Variants in EPHB6 observed in about 807,000 individuals in gnomAD.
EPHB6 encodes ephrin type-B receptor 6.
Under a neutral mutation model 107.0 loss-of-function variants are expected in EPHB6, and 51 were observed. The ratio of observed to expected loss-of-function variants is 0.48; its 90% CI spans 0.38 to 0.60. The LOEUF (loss-of-function observed/expected upper bound fraction) is 0.60, where lower values mean the gene tolerates loss of function less well. EPHB6 is among the 20% of genes least tolerant of loss of function. The pLI is 0.00. For missense variants in EPHB6, 1,141 were observed against 1,355.5 expected (o/e 0.84, Z 2.48); for synonymous variants, 553 against 549.0 (o/e 1.01, Z -0.10).
In EPHB6 at chr7:142,864,408, G is replaced by A; in HGVS notation, c.608G>A (p.Gly203Glu). The change falls in exon 7 of 20, where the codon GGG becomes GAG. Residue 203 changes from glycine (G) to glutamate (E), a missense_variant. Gly to Glu is a moderately conservative substitution (Grantham distance 98). Around this residue, in one of 3 missense-constraint regions of EPHB6, gnomAD observed 221 missense variants for 300.5 expected, o/e 0.74. Transcript: ENST00000652003. ...LQLNVKERSF[G>E]PLTQRGFYVA... ...CTGAACGTCAAAGAGCGGAGCTTTG[G>A]GCCTCTCACCCAACGCGGCTTCTAC... The A allele has an allele frequency of 6.2e-7, 1 of 1,612,602 alleles. No homozygotes were observed. The highest frequency in any genetic ancestry group is 8.5e-7 in the Non-Finnish European group (1 of 1,179,466).
intron 18 of EPHB6, 58 bp downstream of exon 18, chr7:142,870,465 G>C: frequency 2.5e-6 from 4 of 1,613,874 alleles, no homozygotes; most frequent in Non-Finnish European, 2.5e-6. Flanking sequence ...CAAACCTAAA[G>C]AAAACTGAGG....
chr7:142,855,576 T>C lies in EPHB6; in HGVS notation c.-432+191T>C, dbSNP rs1384969437. On this transcript the variant is annotated intron_variant, in intron 1 of 19. Coordinates refer to ENST00000652003, the MANE Select transcript of EPHB6 (RefSeq NM_004445.6). This position sits in a 1 kb window ranked among gnomAD's most constrained non-coding sequence, Gnocchi z 4.2. Reference sequence around the variant, plus strand: ...GTGAGGAAACGGTCAACCTGGCTACTCCCCTCTCACTCCACTCTGACCTGG... The same window carrying C: ...GTGAGGAAACGGTCAACCTGGCTACCCCCCTCTCACTCCACTCTGACCTGG... Among the ~76,000 whole-genome samples the C allele has an allele frequency of 6.6e-6, 1 of 152,052 alleles. No homozygotes were observed. Among genetic ancestry groups the C allele is most frequent in the Non-Finnish European group, 1.5e-5 (1 of 67,984 alleles).
At position 142,870,955 on chromosome 7, in the gene EPHB6, TGTGGGAC is replaced by T. The variant is rs1487392192; in HGVS notation, c.*55_*61del. ...CTGGACACTGGTCCGAGAAGGGACA[TGTGGGAC>T]GTGAGCCGGGCTCCAACAGCCTCTG... On this transcript the variant is annotated 3_prime_UTR_variant, in exon 20 of 20. Transcript: ENST00000652003. 3.2e-6 allele frequency: 5 copies of T among 1,554,270 alleles called. 1 individual carries two copies. The South Asian group carries it at 5.7e-5, about 18-fold the overall frequency.
rs1802994875 is a variant in EPHB6 at position 142,864,118 on chromosome 7, A to C, written c.318A>C (p.Arg106=). ...ERRGAQRAHI[R]LHFSVRACSS... is the part of the protein sequence containing the mutation. ...GCGGGGCCCAGAGGGCGCACATTCG[A>C]CTCCACTTCTCTGTGCGGGCATGCT... Residue 106 remains arginine (R), a synonymous_variant, in exon 7 of 20, where the codon CGA becomes CGC. Coordinates refer to ENST00000652003, the MANE Select transcript of EPHB6 (RefSeq NM_004445.6). The C allele has an allele frequency of 6.2e-7, 1 of 1,613,200 alleles. No homozygotes were observed. Among genetic ancestry groups the C allele is most frequent in the African/African-American group, 1.3e-5 (1 of 74,638 alleles).
At position 142,868,294 on chromosome 7, in the gene EPHB6, G is replaced by C. The variant is rs759946110; in HGVS notation, c.1972G>C (p.Ala658Pro). ...DPSTYEDPCQ[A>P]IRELAREVDP... ...CTCCACCTACGAGGACCCCTGTCAG[G>C]CCATCCGAGAACTTGCCCGGGAAGT... Residue 658 changes from alanine to proline, a missense_variant, in exon 14 of 20, where the codon GCC becomes CCC. Coordinates refer to ENST00000652003, the MANE Select transcript of EPHB6 (RefSeq NM_004445.6). The surrounding 1 kb of genome is among the most constrained non-coding windows in gnomAD (Gnocchi z 4.2). 8.2e-5 allele frequency: 132 copies of C among 1,614,024 alleles called. No homozygotes were observed. The highest frequency in any genetic ancestry group is 1.1e-4 in the Non-Finnish European group (128 of 1,180,016).
rs757187471 is a variant in EPHB6 at position 142,865,563 on chromosome 7, C to T, written c.1038C>T (p.Ala346=). 3.5e-5 allele frequency: 57 copies of T among 1,613,640 alleles called. No homozygotes were observed. Among genetic ancestry groups the T allele is most frequent in the Non-Finnish European group, 4.7e-5 (56 of 1,180,002 alleles). The change falls in exon 8 of 20, where the codon GCC becomes GCT. Residue 346 remains alanine (A), a synonymous_variant. Transcript: ENST00000652003. ...PARSHAPNPA[A]PVCPCLEGFY... is the part of the protein sequence containing the mutation. ...GCAGTCACGCTCCCAACCCAGCAGC[C>T]CCCGTTTGCCCCTGCCTGGAGGGCT...
rs760406367 is a variant in EPHB6, at chr7:142,864,754, G to A, written c.949+5G>A. 30 of 1,612,648 alleles carry A rather than the reference G, an allele frequency of 1.9e-5. No homozygotes were observed. Among genetic ancestry groups the A allele is most frequent in the African/African-American group, 2.7e-5 (2 of 74,928 alleles). ...GAGGAGACAAGGCCTGCCAAGGTGA[G>A]AGCCCACTCGTCTTGCACTTGCCCG... On this transcript the variant is annotated splice_donor_5th_base_variant and intron_variant, in intron 7 of 19. Transcript: ENST00000652003.
chr7:142,869,882 C>T lies in EPHB6; in HGVS notation c.2526C>T (p.Ser842=). The T allele has an allele frequency of 6.2e-7, 1 of 1,614,182 alleles. No individual in the cohort carries two copies. The highest frequency in any genetic ancestry group is 8.5e-7 in the Non-Finnish European group (1 of 1,180,036). The stretch of plus-strand genomic sequence containing the variant: ...TTGCACATGGAAAGCATACAACATC[C>T]AGTGATGTCTGGAGCTTTGGGATAC... ...EVIAHGKHTT[S]SDVWSFGILM... is the part of the protein sequence containing the mutation. Residue 842 remains serine, a synonymous_variant, in exon 17 of 20, where the codon TCC becomes TCT. Transcript: ENST00000652003. The surrounding 1 kb of genome is among the most constrained non-coding windows in gnomAD (Gnocchi z 4.5).
At chr7:142,863,922 C>G (rs1471751509) in intron 6 of EPHB6, 44 bp from the exon 7 acceptor site, 10 of 1,613,754 alleles carry the variant, frequency 6.2e-6, no homozygotes, top group Non-Finnish European at 8.5e-6. Context: ...CCTCGCCGTG[C>G]TTAAGCCCGG....
Position 142,868,056 on chromosome 7 carries a change from A to G in EPHB6, c.1918+7A>G, listed in dbSNP as rs766987291. 6.2e-7 allele frequency: 1 copy of G among 1,604,874 alleles called. No individual in the cohort carries two copies. The highest frequency in any genetic ancestry group is 2.2e-5 in the East Asian group (1 of 44,506). ...CAGCAATACAGCAGCCCAGGTGGGGATGAGGAGAGGAAATGGGTGGGGCTG... is the reference window on the plus strand; with the variant it reads ...CAGCAATACAGCAGCCCAGGTGGGGGTGAGGAGAGGAAATGGGTGGGGCTG... On this transcript the variant is annotated splice_region_variant and intron_variant, in intron 13 of 19. Coordinates refer to ENST00000652003, the MANE Select transcript of EPHB6 (RefSeq NM_004445.6). The surrounding 1 kb of genome is among the most constrained non-coding windows in gnomAD (Gnocchi z 4.2).
chr7:142,857,184 A>C (rs144398159), intron 1 of EPHB6, among the ~76,000 whole-genome samples: 2 of 152,294 alleles, frequency 1.3e-5, no homozygotes, highest in Non-Finnish European at 2.9e-5. Flanking sequence ...TGGGAGTGGG[A>C]GGCACATTTG....
intron 7 of EPHB6, 77 bp from the exon 8 acceptor site, chr7:142,865,398 C>T (rs771528390): frequency 2.8e-5 from 44 of 1,590,314 alleles, no homozygotes; most frequent in Middle Eastern, 1.7e-4. Context: ...GCGAGGATAC[C>T]TGCCTGCTGT....
chr7:142,865,508 G>C lies in EPHB6; in HGVS notation c.983G>C (p.Gly328Ala). 6.2e-7 allele frequency: 1 copy of C among 1,613,252 alleles called. No homozygotes were observed. Among genetic ancestry groups the C allele is most frequent in the Non-Finnish European group, 8.5e-7 (1 of 1,179,974 alleles). ...CGGGGGCTCTATAAGGCTTCTGCTG[G>C]GAATGCTCCCTGCTCACCATGCCCT... ...CPRGLYKASA[G>A]NAPCSPCPAR... is the part of the protein sequence containing the mutation. Residue 328 changes from glycine (G) to alanine (A), a missense_variant, in exon 8 of 20, where the codon GGG (glycine) becomes GCG (alanine). Around this residue, in one of 3 missense-constraint regions of EPHB6, gnomAD observed 304 missense variants for 295.7 expected, o/e 1.03. Transcript: ENST00000652003.
rs1794661679 is a variant in EPHB6 at position 142,867,449 on chromosome 7, C to CGT, written c.1751-148_1751-147dup. 9 of 687,556 alleles carry CGT rather than the reference C, an allele frequency of 1.3e-5. No homozygotes were observed. Among genetic ancestry groups the CGT allele is most frequent in the East Asian group, 2.7e-5 (1 of 36,552 alleles). The allele number at this position is 687,556 out of a possible 1,614,324, so 42.6% of individuals were successfully genotyped here. A position where few individuals can be genotyped will look rare whatever the true frequency, so the allele number is the denominator to read the frequency against. ...TGTGTGGATGTGGGAGGGCTGTGGG[C>CGT]GTGTGTGTGTGTTGTGTGTCCCTGT... On this transcript the variant is annotated intron_variant, in intron 11 of 19. Coordinates refer to ENST00000652003, the MANE Select transcript of EPHB6 (RefSeq NM_004445.6). This position sits in a 1 kb window ranked among gnomAD's most constrained non-coding sequence, Gnocchi z 5.3.
chr7:142,863,374 C>A, intron 5 of EPHB6, 47 bp downstream of exon 5: 1 of 1,557,248 alleles, frequency 6.4e-7, no homozygotes, highest in Non-Finnish European at 8.9e-7. Flanking sequence ...CATAGAGACC[C>A]AGTGAAAGGG....
In EPHB6 at chr7:142,864,692, G is replaced by A. The variant is rs771280815; in HGVS notation, c.892G>A (p.Gly298Arg). 1.7e-5 allele frequency: 28 copies of A among 1,612,668 alleles called. No homozygotes were observed. Among genetic ancestry groups the A allele is most frequent in the Admixed American group, 1.0e-4 (6 of 60,000 alleles). The change falls in exon 7 of 20, where the codon GGG (glycine) becomes AGG (arginine). Residue 298 changes from glycine (G) to arginine (R), a missense_variant. By Grantham distance (125) the Gly-to-Arg change is moderately radical. Transcript: ENST00000652003. Reference sequence around the variant, plus strand: ...GGAGGGCAAGTGGATGGTAGCTGTCGGGGGCTGCCGCTGCCAGCCTGGATA... The same window carrying A: ...GGAGGGCAAGTGGATGGTAGCTGTCAGGGGCTGCCGCTGCCAGCCTGGATA... ...NGEGKWMVAV[G>R]GCRCQPGYQP...
At position 142,870,670 on chromosome 7, in the gene EPHB6, C is replaced by T; in HGVS notation, c.2945C>T (p.Ala982Val). The T allele has an allele frequency of 6.2e-7, 1 of 1,614,226 alleles. No individual in the cohort carries two copies. Among genetic ancestry groups the T allele is most frequent in the Non-Finnish European group, 8.5e-7 (1 of 1,180,036 alleles). Residue 982 changes from alanine to valine, a missense_variant, in exon 19 of 20, where the codon GCT becomes GTT. Around this residue, in one of 3 missense-constraint regions of EPHB6, gnomAD observed 616 missense variants for 759.3 expected, o/e 0.81. Transcript: ENST00000652003. Reference protein sequence around the residue: ...KFGLCTFSDVAQLSLEDLPAL... With the variant: ...KFGLCTFSDVVQLSLEDLPAL... ...GGCCTCTGTACCTTCAGTGATGTGG[C>T]TCAGCTCAGCCTAGAGTAAGCAGGG...
Position 142,870,064 on chromosome 7 carries a change from A to G in EPHB6, c.2610+98A>G, listed in dbSNP as rs530115985. On this transcript the variant is annotated intron_variant, in intron 17 of 19. Transcript: ENST00000652003. ...TTCTCTACTCCGTTTGTATTCTAAG[A>G]TCTCATGGCTGTTGGATTGCCATAT... The G allele has an allele frequency of 2.9e-5, 47 of 1,598,014 alleles. No homozygotes were observed. The Admixed American group carries it at 7.5e-4, about 26-fold the overall frequency.
At position 142,866,153 on chromosome 7, in the gene EPHB6, C is replaced by T; in HGVS notation, c.1299C>T (p.His433=). The part of the protein sequence containing the change: ...GTCHRCRDEV[H]FDPRQRGLTE... The stretch of plus-strand genomic sequence containing the variant: ...GTCACCGCTGCAGGGATGAGGTCCA[C>T]TTCGACCCTCGCCAGAGAGGCCTGA... Residue 433 remains histidine, a synonymous_variant, in exon 9 of 20, where the codon CAC becomes CAT. Coordinates refer to ENST00000652003, the MANE Select transcript of EPHB6 (RefSeq NM_004445.6). This position sits in a 1 kb window ranked among gnomAD's most constrained non-coding sequence, Gnocchi z 5.2. The T allele has an allele frequency of 6.2e-7, 1 of 1,614,062 alleles. No homozygotes were observed. The highest frequency in any genetic ancestry group is 8.5e-7 in the Non-Finnish European group (1 of 1,180,014).
Sources: gnomAD v4.1 joint callset for allele counts (sites outside exome capture counted in the v4.1 genomes callset) on GRCh38, gnomAD v4.1.1 for gene constraint, gnomAD v4.1.1 regional missense constraint, Gnocchi (gnomAD v3.1) non-coding constraint, MANE v1.5 for transcripts, NCBI Gene and HGNC (gene_info 2026-07-23, HGNC 2026-07-21) for gene names.